Variants in SYNDIG1 observed in about 807,000 individuals in gnomAD.
SYNDIG1 encodes synapse differentiation inducing 1.
SYNDIG1 carries 9 observed loss-of-function variants against 19.4 expected under a neutral mutation model. The ratio of observed to expected loss-of-function variants is 0.46; its 90% CI spans 0.28 to 0.81. The LOEUF (loss-of-function observed/expected upper bound fraction) is 0.81. Among genes scored for constraint, SYNDIG1 ranks in the 30% least tolerant of loss-of-function variants. The pLI, the probability that SYNDIG1 is intolerant of heterozygous loss-of-function variation, is 0.12. For synonymous variants in SYNDIG1, 141 were observed against 145.9 expected, an observed-to-expected ratio of 0.97 and a Z score of 0.24; for missense variants, 311 against 343.3, an observed-to-expected ratio of 0.91 and a Z score of 0.74.
intron 2 of SYNDIG1, among the ~76,000 whole-genome samples, chr20:24,559,207 G>A (rs2057886462): frequency 6.6e-6 from 1 of 152,166 alleles, no homozygotes; most frequent in Admixed American, 6.5e-5. Flanking sequence ...GGATGGAACT[G>A]GAGGCTGTTA....
At chr20:24,483,797 A>G (rs1041513287) in intron 1 of SYNDIG1, among the ~76,000 whole-genome samples, 1 of 152,106 alleles carries the variant, frequency 6.6e-6, no homozygotes, top group African/African-American at 2.4e-5. Flanking sequence ...CCCTCATGGA[A>G]GAAGGGCATT....
At chr20:24,494,782 A>G (rs1256167138) in intron 1 of SYNDIG1, among the ~76,000 whole-genome samples, 1 of 152,188 alleles carries the variant, frequency 6.6e-6, no homozygotes, top group Non-Finnish European at 1.5e-5. Context: ...CAGACGTGAC[A>G]GGCACCTCCA....
At chr20:24,583,114 G>GC (rs2147019174) in intron 2 of SYNDIG1, among the ~76,000 whole-genome samples, 1 of 152,346 alleles carries the variant, frequency 6.6e-6, no homozygotes, top group East Asian at 1.9e-4. Context: ...GTGATTAGAG[G>GC]CTCTGATTGG....
intron 3 of SYNDIG1, among the ~76,000 whole-genome samples, chr20:24,655,884 A>G (rs2059520204): frequency 6.6e-6 from 1 of 152,198 alleles, no homozygotes; most frequent in Non-Finnish European, 1.5e-5. Flanking sequence ...AATAGACTGC[A>G]TTGCATTCCT....
At chr20:24,529,460 C>T (rs1439728559) in intron 1 of SYNDIG1, among the ~76,000 whole-genome samples, 1 of 152,124 alleles carries the variant, frequency 6.6e-6, no homozygotes, top group Non-Finnish European at 1.5e-5. Flanking sequence ...AATATGGTCT[C>T]TGTCACAACT....
intron 3 of SYNDIG1, among the ~76,000 whole-genome samples, chr20:24,641,330 T>A (rs529921026): frequency 6.6e-6 from 1 of 152,174 alleles, no homozygotes; most frequent in African/African-American, 2.4e-5. Context: ...GGTAGATACA[T>A]AAATATAGCA....
At chr20:24,559,385 A>T (rs1172860066) in intron 2 of SYNDIG1, among the ~76,000 whole-genome samples, 2 of 152,188 alleles carry the variant, frequency 1.3e-5, no homozygotes, top group African/African-American at 4.8e-5. Flanking sequence ...AAAAGCCATG[A>T]CCTGACCACT....
intron 3 of SYNDIG1, among the ~76,000 whole-genome samples, chr20:24,650,480 G>A (rs2059459572): frequency 6.6e-6 from 1 of 152,216 alleles, no homozygotes; most frequent in Non-Finnish European, 1.5e-5. Flanking sequence ...GCACCATGGA[G>A]CCAAATGAAA....
intron 1 of SYNDIG1, among the ~76,000 whole-genome samples, chr20:24,509,961 C>A (rs1046167762): frequency 6.6e-6 from 1 of 152,058 alleles, no homozygotes; most frequent in African/African-American, 2.4e-5. Context: ...AGTGAGTTCT[C>A]CTGAGATCTG....
chr20:24,525,053 C>T (rs560690479), intron 1 of SYNDIG1, among the ~76,000 whole-genome samples: 1 of 152,232 alleles, frequency 6.6e-6, no homozygotes, highest in Non-Finnish European at 1.5e-5. Context: ...TTTCCCTCTT[C>T]TCCTGCATCT....
At chr20:24,591,219 G>A (rs1210837447) in intron 3 of SYNDIG1, among the ~76,000 whole-genome samples, 2 of 151,502 alleles carry the variant, frequency 1.3e-5, no homozygotes, top group African/African-American at 2.4e-5. Context: ...CAGACCCCAT[G>A]TATACAAAAA....
At chr20:24,525,536 G>A (rs189927687) in intron 1 of SYNDIG1, among the ~76,000 whole-genome samples, 43 of 151,964 alleles carry the variant, frequency 2.8e-4, no homozygotes, top group East Asian at 1.9e-3. Context: ...CACCTGCCTC[G>A]GCCTCCCAAA....
At chr20:24,544,056 C>T (rs6049772) in intron 2 of SYNDIG1, among the ~76,000 whole-genome samples, 25,347 of 152,104 alleles carry the variant, frequency 0.17, 3,170 homozygotes, top group African/African-American at 0.35. Context: ...AGAGCTGAAC[C>T]GTGCTGGAAG....
chr20:24,600,510 G>T (rs1218679926), intron 3 of SYNDIG1, among the ~76,000 whole-genome samples: 17 of 151,824 alleles, frequency 1.1e-4, no homozygotes, highest in Admixed American at 1.1e-3. Context: ...AGTGACCACT[G>T]GAATGACCTC....
At chr20:24,557,023 C>T in intron 2 of SYNDIG1, among the ~76,000 whole-genome samples, 1 of 152,130 alleles carries the variant, frequency 6.6e-6, no homozygotes, top group East Asian at 1.9e-4. Context: ...TCTTTTTTCT[C>T]TAAACTTCCC....
At chr20:24,639,276 A>C (rs1399473615) in intron 3 of SYNDIG1, among the ~76,000 whole-genome samples, 1 of 152,182 alleles carries the variant, frequency 6.6e-6, no homozygotes, top group Non-Finnish European at 1.5e-5. Context: ...GGCATGAACC[A>C]GGTGCATGTG....
chr20:24,515,829 A>G (rs1031845580), intron 1 of SYNDIG1, among the ~76,000 whole-genome samples: 3 of 152,214 alleles, frequency 2.0e-5, no homozygotes, highest in Admixed American at 6.5e-5. Flanking sequence ...ACAGAATTGG[A>G]AAAAACTACT....
In SYNDIG1 at chr20:24,665,983, G is replaced by A. The variant is rs2059643918; in HGVS notation, c.*479G>A. On this transcript the variant is annotated 3_prime_UTR_variant, in exon 4 of 4. Coordinates refer to ENST00000376862, the MANE Select transcript of SYNDIG1 (RefSeq NM_024893.3). ...TCCACACGCCTTCCCTGCAAGACGAGAATGGGGCTGGGAAGAAAGAGGCAA... is the reference window on the plus strand; with the variant it reads ...TCCACACGCCTTCCCTGCAAGACGAAAATGGGGCTGGGAAGAAAGAGGCAA... 1.2e-5 allele frequency: 2 copies of A among 161,998 alleles called. No homozygotes were observed. Among genetic ancestry groups the A allele is most frequent in the Admixed American group, 1.3e-4 (2 of 15,364 alleles). The allele number at this position is 161,998 out of a possible 1,614,324, so 10.0% of individuals were successfully genotyped here. A position where few individuals can be genotyped will look rare whatever the true frequency, so the allele number is the denominator to read the frequency against.
chr20:24,661,074 G>A (rs148627105), intron 3 of SYNDIG1, among the ~76,000 whole-genome samples: 1 of 152,344 alleles, frequency 6.6e-6, no homozygotes, highest in Non-Finnish European at 1.5e-5. Context: ...CACACCGTCA[G>A]TCCTTCAAAA....
Sources: allele counts gnomAD v4.1 joint callset (sites outside exome capture counted in the v4.1 genomes callset), GRCh38; gene constraint gnomAD v4.1.1; transcripts MANE v1.5; gene names NCBI Gene and HGNC (gene_info 2026-07-23, HGNC 2026-07-21).